The following ALDH1L1 variants were observed in gnomAD, a reference collection of about 807,000 sequenced individuals.
The protein encoded by ALDH1L1 is cytosolic 10-formyltetrahydrofolate dehydrogenase.
ALDH1L1 carries 68 observed loss-of-function variants against 101.1 expected under a neutral mutation model. That is an observed-to-expected ratio of 0.67 (90% confidence interval 0.55 to 0.82). ALDH1L1 has a LOEUF of 0.82. ALDH1L1 is among the 40% of genes least tolerant of loss of function. The pLI, the probability that ALDH1L1 is intolerant of heterozygous loss-of-function variation, is 0.00. For synonymous variants in ALDH1L1, 486 were observed against 470.8 expected (o/e 1.03, Z -0.42); for missense variants, 1,087 against 1,172.7 (o/e 0.93, Z 1.07).
Position 126,160,897 on chromosome 3 carries a change from C to T in ALDH1L1, c.83G>A (p.Gly28Asp). Residue 28 changes from glycine (G) to aspartate (D), a missense_variant, in exon 2 of 23, where the codon GGT becomes GAT. Coordinates refer to ENST00000393434, the MANE Select transcript of ALDH1L1 (RefSeq NM_012190.4). ...ATCCTTGTCTGGAACAGTGAACACA[C>T]CCACCACTTCGTGGCCCTCCTTCCT... ...HLRKEGHEVV[G>D]VFTVPDKDGK... 2 of 1,614,260 alleles carry T rather than the reference C, an allele frequency of 1.2e-6. No homozygotes were observed. Among genetic ancestry groups the T allele is most frequent in the East Asian group, 2.2e-5 (1 of 44,890 alleles).
intron 1 of ALDH1L1, among the ~76,000 whole-genome samples, chr3:126,163,982 A>G (rs962680166): frequency 2.6e-5 from 4 of 152,002 alleles, no homozygotes; most frequent in Non-Finnish European, 5.9e-5. Context: ...AAAACAAACA[A>G]TAGCTGGACA....
chr3:126,191,374 C>T (rs1011873804), intron 1 of ALDH1L1, among the ~76,000 whole-genome samples: 41 of 152,324 alleles, frequency 2.7e-4, no homozygotes, highest in Non-Finnish European at 5.9e-4. Flanking sequence ...GCTGCGGGGG[C>T]TGACTGCCAG....
At chr3:126,110,293 T>G in intron 19 of ALDH1L1, 184 bp from the exon 20 acceptor site, 2 of 723,960 alleles carry the variant, frequency 2.8e-6, no homozygotes, top group Non-Finnish European at 4.5e-6. Context: ...GGCTCCTATG[T>G]GTAGAGGGAC....
In ALDH1L1 at chr3:126,136,775, TG is replaced by T. The variant is rs2080454551; in HGVS notation, c.1332del (p.Thr445ProfsTer44). ...GGGCCTGCACTCACACTTCCATCGG[TG>T]GGATTGATGGTCTCAGAGGTCTTGG... ...EGAKTSETIN[P>X]TDGSVICQVS... is the part of the protein sequence containing the mutation. On this transcript the variant is annotated frameshift_variant, in exon 11 of 23. Transcript: ENST00000393434. LOFTEE classifies it high-confidence loss of function. The T allele has an allele frequency of 6.4e-7, 1 of 1,574,518 alleles. No homozygotes were observed. Among genetic ancestry groups the T allele is most frequent in the Admixed American group, 1.9e-5 (1 of 53,596 alleles).
At chr3:126,137,694 TG>T in intron 10 of ALDH1L1, 118 bp downstream of exon 10, 1 of 1,388,080 alleles carries the variant, frequency 7.2e-7, no homozygotes, top group Non-Finnish European at 9.7e-7. Context: ...AACTGAAGGG[TG>T]GGCTCCTGGG....
upstream of ALDH1L1, chr3:126,180,789 A>C (rs1451364145): frequency 3.0e-5 from 45 of 1,491,466 alleles, no homozygotes; most frequent in East Asian, 2.2e-4. Context: ...GCTTAGGTCA[A>C]GAAGACTTAC....
intron 20 of ALDH1L1, among the ~76,000 whole-genome samples, chr3:126,108,458 C>T (rs1387588679): frequency 9.9e-5 from 15 of 152,260 alleles, no homozygotes. Flanking sequence ...GCCTCCATCA[C>T]ACTGTCTTCC....
chr3:126,186,491 G>A (rs1428376152), upstream of ALDH1L1, among the ~76,000 whole-genome samples: 1 of 151,814 alleles, frequency 6.6e-6, no homozygotes, highest in Non-Finnish European at 1.5e-5. Flanking sequence ...CCCTGACCCT[G>A]AACCTGACCC....
intron 7 of ALDH1L1, chr3:126,152,836 T>C (rs374521359): frequency 3.7e-5 from 6 of 161,602 alleles, no homozygotes; most frequent in African/African-American, 1.4e-4. Context: ...TCTCTGTTTT[T>C]TTCCTCTATA....
At position 126,153,468 on chromosome 3, in the gene ALDH1L1, G is replaced by C. The variant is rs1254921586; in HGVS notation, c.834C>G (p.Ile278Met). Reference sequence around the variant, plus strand: ...CCATTTTGTCATCATTCCCAAAGAGGATGAGTCCTGCTTTGGTGACCACCC... The same window carrying C: ...CCATTTTGTCATCATTCCCAAAGAGCATGAGTCCTGCTTTGGTGACCACCC... ...RPGVVTKAGL[I>M]LFGNDDKMLL... The change falls in exon 7 of 23, where the codon ATC becomes ATG. Residue 278 changes from isoleucine (I) to methionine (M), a missense_variant. Ile to Met is a conservative substitution (Grantham distance 10, BLOSUM62 1). This residue lies in a region of ALDH1L1 where 645 missense variants were observed against 637.0 expected (regional missense o/e 1.01). Transcript: ENST00000393434. The C allele has an allele frequency of 1.2e-6, 2 of 1,614,112 alleles. No homozygotes were observed. The highest frequency in any genetic ancestry group is 2.2e-5 in the South Asian group (2 of 91,086).
Position 126,131,474 on chromosome 3 carries a change from C to G in ALDH1L1, c.1533G>C (p.Ala511=). The change falls in exon 13 of 23, where the codon GCG becomes GCC. Residue 511 remains alanine, a synonymous_variant. Coordinates refer to ENST00000393434, the MANE Select transcript of ALDH1L1 (RefSeq NM_012190.4). ...EELATIEALD[A]GAVYTLALKT... is the part of the protein sequence containing the mutation. ...TCAGGGCCAGCGTGTAGACGGCACCCGCATCCAGGGCCTCAATGGTGGCCA... is the reference window on the plus strand; with the variant it reads ...TCAGGGCCAGCGTGTAGACGGCACCGGCATCCAGGGCCTCAATGGTGGCCA... The G allele has an allele frequency of 6.2e-7, 1 of 1,613,352 alleles. No individual in the cohort carries two copies. The highest frequency in any genetic ancestry group is 8.5e-7 in the Non-Finnish European group (1 of 1,179,378).
At chr3:126,182,480 G>C (rs554827907), upstream of ALDH1L1, among the ~76,000 whole-genome samples, 10 of 152,238 alleles carry the variant, frequency 6.6e-5, no homozygotes, top group Admixed American at 3.3e-4. Flanking sequence ...CACTGCTTCT[G>C]GGATTGCTTG....
Position 126,118,039 on chromosome 3 carries a change from C to CTG in ALDH1L1, c.1946_1947dup (p.Gly650GlnfsTer11), listed in dbSNP as rs1223340676. On this transcript the variant is annotated frameshift_variant, in exon 17 of 23. Transcript: ENST00000393434. LOFTEE classifies it high-confidence loss of function. ...ATGTGCTTGCCCACCTCTGTGGAGCCTGTGAACCCGATTTTCCTCACATCA... is the reference window on the plus strand; with the variant it reads ...ATGTGCTTGCCCACCTCTGTGGAGCCTGTGTGAACCCGATTTTCCTCACATCA... 6.2e-7 allele frequency: 1 copy of CTG among 1,614,064 alleles called. No individual in the cohort carries two copies. The highest frequency in any genetic ancestry group is 2.2e-5 in the East Asian group (1 of 44,874).
intron 9 of ALDH1L1, among the ~76,000 whole-genome samples, chr3:126,139,797 G>T (rs1017601000): frequency 6.6e-6 from 1 of 152,080 alleles, no homozygotes; most frequent in Non-Finnish European, 1.5e-5. Flanking sequence ...CACTAAAGAG[G>T]TTCAACAGTA....
At chr3:126,172,497 A>T (rs761699901) in intron 1 of ALDH1L1, among the ~76,000 whole-genome samples, 2 of 152,346 alleles carry the variant, frequency 1.3e-5, no homozygotes, top group Non-Finnish European at 2.9e-5. Flanking sequence ...AATGAGATGG[A>T]TGAAATATCA....
intron 1 of ALDH1L1, among the ~76,000 whole-genome samples, chr3:126,176,593 A>G (rs1040855381): frequency 2.0e-5 from 3 of 152,238 alleles, no homozygotes; most frequent in Non-Finnish European, 4.4e-5. Flanking sequence ...TCTGCATTGC[A>G]CAAAAATCAC....
rs376644159 is a variant in ALDH1L1 at position 126,136,827 on chromosome 3, C to G, written c.1281G>C (p.Gly427=). ...CGCCCTCGGCATCCACGAACTCCCC[C>G]CCAATGAAGAGCTGGTGGGGCATGC... The part of the protein sequence containing the change: ...TVRMPHQLFI[G]GEFVDAEGAK... Residue 427 remains glycine, a synonymous_variant, in exon 11 of 23, where the codon GGG becomes GGC. Coordinates refer to ENST00000393434, the MANE Select transcript of ALDH1L1 (RefSeq NM_012190.4). 54 of 1,610,206 alleles carry G rather than the reference C, an allele frequency of 3.4e-5. No individual in the cohort carries two copies. Among genetic ancestry groups the G allele is most frequent in the South Asian group, 5.6e-5 (5 of 89,918 alleles).
intron 7 of ALDH1L1, chr3:126,151,303 T>C (rs1179669619): frequency 1.3e-5 from 2 of 151,388 alleles, no homozygotes; most frequent in Non-Finnish European, 2.9e-5. Context: ...GATACAGAGG[T>C]GGGAAGAGGA....
At chr3:126,180,826 C>A, upstream of ALDH1L1, 1 of 1,540,098 alleles carries the variant, frequency 6.5e-7, no homozygotes. Flanking sequence ...ATTCCCAGGG[C>A]TTTGAAAAGT....
Sources: allele counts gnomAD v4.1 joint callset (sites outside exome capture counted in the v4.1 genomes callset), GRCh38; gene constraint gnomAD v4.1.1; regional missense constraint gnomAD v4.1.1; transcripts MANE v1.5; gene names NCBI Gene and HGNC (gene_info 2026-07-23, HGNC 2026-07-21).